Variants in TXLNB observed in about 807,000 individuals in gnomAD.
The protein encoded by TXLNB is taxilin beta.
TXLNB carries 37 observed loss-of-function variants against 57.4 expected under a neutral mutation model. That is an observed-to-expected ratio of 0.64 (90% CI 0.50 to 0.85). TXLNB has a LOEUF of 0.85. TXLNB is among the 40% of genes least tolerant of loss of function. The pLI is 0.00. For synonymous variants in TXLNB, 302 were observed against 309.6 expected, an observed-to-expected ratio of 0.98 and a Z score of 0.26; for missense variants, 848 against 825.6, an observed-to-expected ratio of 1.03 and a Z score of -0.33.
chr6:139,165,805 GTGGGACA>G, the TXLNB span, among the ~76,000 whole-genome samples: 106,392 of 150,996 alleles, frequency 0.7, 38,531 homozygotes, highest in African/African-American at 0.84. Flanking sequence ...TTTGCACAGT[GTGGGACA>G]TGTGTGGGAC....
At chr6:139,183,630 A>G in the TXLNB span, 2 of 152,224 alleles carry the variant, frequency 1.3e-5, no homozygotes, top group Non-Finnish European at 2.9e-5. Flanking sequence ...AGATATGTTA[A>G]TAAGATATCT....
the TXLNB span, among the ~76,000 whole-genome samples, chr6:139,182,332 T>C: frequency 6.6e-6 from 1 of 152,238 alleles, no homozygotes. Flanking sequence ...ATGTAATTTA[T>C]GGTCAGCAAA....
intron 3 of TXLNB, among the ~76,000 whole-genome samples, chr6:139,276,114 A>T (rs185979983): frequency 7.2e-5 from 11 of 152,240 alleles, no homozygotes; most frequent in Non-Finnish European, 1.6e-4. Flanking sequence ...TATGCCCCAT[A>T]TAGTACATGC....
intron 7 of TXLNB, 111 bp downstream of exon 7, chr6:139,255,452 TC>T (rs770712859): frequency 1.3e-6 from 1 of 793,700 alleles, no homozygotes; most frequent in South Asian, 1.4e-5. Context: ...CCAATTCCCA[TC>T]CCCCCATCCC....
intron 8 of TXLNB, among the ~76,000 whole-genome samples, chr6:139,245,004 G>A (rs141756769): frequency 1.4e-3 from 216 of 152,332 alleles, no homozygotes; most frequent in African/African-American, 5.0e-3. Flanking sequence ...GAACAAGCCT[G>A]TAATTTAGGA....
intron 1 of TXLNB, among the ~76,000 whole-genome samples, chr6:139,290,394 A>G (rs1009469770): frequency 6.6e-6 from 1 of 152,238 alleles, no homozygotes; most frequent in African/African-American, 2.4e-5. Flanking sequence ...ACTAAACAAA[A>G]CAAAAGCATG....
the TXLNB span, among the ~76,000 whole-genome samples, chr6:139,217,864 C>CAAAAAAAAA: frequency 7.7e-5 from 4 of 51,924 alleles, no homozygotes; most frequent in Admixed American, 2.1e-4. Context: ...GCAAGAGTCT[C>CAAAAAAAAA]AAAAAAAAAA....
chr6:139,165,688 G>C, the TXLNB span, among the ~76,000 whole-genome samples: 1 of 151,714 alleles, frequency 6.6e-6, no homozygotes, highest in Non-Finnish European at 1.5e-5. Flanking sequence ...TAAGGAATCA[G>C]TGGAGTTCCC....
chr6:139,260,263 G>T, intron 6 of TXLNB, 55 bp downstream of exon 6: 1 of 1,575,604 alleles, frequency 6.3e-7, no homozygotes, highest in Non-Finnish European at 8.6e-7. Flanking sequence ...CTTGCTCAGA[G>T]TGTCTCTGAC....
At chr6:139,176,482 C>T in the TXLNB span, among the ~76,000 whole-genome samples, 1 of 152,272 alleles carries the variant, frequency 6.6e-6, no homozygotes, top group Admixed American at 6.5e-5. The surrounding 1 kb of genome is among the most constrained non-coding windows in gnomAD (Gnocchi z 4.5). Flanking sequence ...ACTCCAGAAG[C>T]CTCAGACCAG....
At chr6:139,218,521 G>A in the TXLNB span, among the ~76,000 whole-genome samples, 1 of 152,162 alleles carries the variant, frequency 6.6e-6, no homozygotes, top group East Asian at 1.9e-4. Flanking sequence ...GGGAGGCCAA[G>A]GTGGGTGGAT....
chr6:139,307,956 T>G, the TXLNB span, among the ~76,000 whole-genome samples: 2 of 151,996 alleles, frequency 1.3e-5, no homozygotes, highest in Non-Finnish European at 2.9e-5. Context: ...GGGTTGACAC[T>G]TCCCAGGAGT....
chr6:139,305,861 GA>G, the TXLNB span, among the ~76,000 whole-genome samples: 1 of 152,108 alleles, frequency 6.6e-6, no homozygotes, highest in Non-Finnish European at 1.5e-5. Context: ...AATTAATTAG[GA>G]AGATATTCAT....
the TXLNB span, among the ~76,000 whole-genome samples, chr6:139,196,365 G>GTTTTTTTTTT: frequency 2.6e-5 from 1 of 38,994 alleles, no homozygotes; most frequent in Non-Finnish European, 4.8e-5. Context: ...TCCAGATCTG[G>GTTTTTTTTTT]TTTTTTTTTT....
At chr6:139,166,220 A>G in the TXLNB span, 1 of 1,293,070 alleles carries the variant, frequency 7.7e-7, no homozygotes. Flanking sequence ...TACTGTTGCA[A>G]GTACAGGTTG....
chr6:139,215,611 C>A, the TXLNB span, among the ~76,000 whole-genome samples: 4 of 152,198 alleles, frequency 2.6e-5, no homozygotes, highest in African/African-American at 9.6e-5. Flanking sequence ...GCAACAAAAG[C>A]CAAAATTGAC....
At chr6:139,289,517 G>C (rs903622598) in intron 1 of TXLNB, among the ~76,000 whole-genome samples, 1 of 152,138 alleles carries the variant, frequency 6.6e-6, no homozygotes, top group African/African-American at 2.4e-5. Context: ...TCTGCGGCTT[G>C]TCCTGCTGCA....
chr6:139,217,836 TC>T, the TXLNB span, among the ~76,000 whole-genome samples: 1 of 123,694 alleles, frequency 8.1e-6, no homozygotes. Flanking sequence ...GCCACTGCAC[TC>T]CAGCCTGGGC....
chr6:139,291,150 A>G (rs939735021), intron 1 of TXLNB, among the ~76,000 whole-genome samples: 1 of 152,232 alleles, frequency 6.6e-6, no homozygotes, highest in East Asian at 1.9e-4. Context: ...AGAAAGACAC[A>G]CGGCACCTGC....
Sources: allele counts gnomAD v4.1 joint callset (sites outside exome capture counted in the v4.1 genomes callset), GRCh38; gene constraint gnomAD v4.1.1; non-coding constraint Gnocchi (gnomAD v3.1); transcripts MANE v1.5; gene names NCBI Gene and HGNC (gene_info 2026-07-23, HGNC 2026-07-21).